AUTS2: variants seen among roughly 807,000 people sequenced by gnomAD.
The protein encoded by AUTS2 is activator of transcription and developmental regulator AUTS2.
AUTS2 carries 17 observed loss-of-function variants against 112.4 expected under a neutral mutation model. That is an observed-to-expected ratio of 0.15 (90% CI 0.10 to 0.23). The LOEUF (loss-of-function observed/expected upper bound fraction) is 0.23. AUTS2 is among the 10% of genes least tolerant of loss of function. The pLI is 1.00. For missense variants in AUTS2, 1,510 were observed against 1,701.6 expected (o/e 0.89, Z 1.98); for synonymous variants, 751 against 702.7 (o/e 1.07, Z -1.09).
intron 4 of AUTS2, among the ~76,000 whole-genome samples, chr7:70,207,164 G>A (rs1024994398): frequency 1.2e-4 from 18 of 152,094 alleles, no homozygotes; most frequent in African/African-American, 3.6e-4. Flanking sequence ...TCTTACTTAG[G>A]TGTGTTGAAG....
intron 1 of AUTS2, among the ~76,000 whole-genome samples, chr7:69,793,194 C>G (rs1403205300): frequency 6.6e-6 from 1 of 152,184 alleles, no homozygotes; most frequent in Non-Finnish European, 1.5e-5. Flanking sequence ...GGTGGCCTGC[C>G]TCCAGCAGTA....
chr7:70,045,784 C>CTT lies in AUTS2; in HGVS notation c.523-72327_523-72326dup, dbSNP rs746154629. Among the ~76,000 whole-genome samples the CTT allele has an allele frequency of 3.2e-3, 409 of 126,796 alleles. 6 individuals carry two copies. Among genetic ancestry groups the CTT allele is most frequent in the African/African-American group, 0.011 (367 of 33,114 alleles). 83.2% of individuals were successfully genotyped at this position (126,796 alleles called of 152,430 possible). A position where few individuals can be genotyped will look rare whatever the true frequency, so the allele number is the denominator to read the frequency against. On this transcript the variant is annotated intron_variant, in intron 2 of 18. Coordinates refer to ENST00000342771, the MANE Select transcript of AUTS2 (RefSeq NM_015570.4). ...CCACCATGCTCAGCTAATTTTCTACCTTTTTTTTTTTTTTTTTTTTTTAAG... is the reference window on the plus strand; with the variant it reads ...CCACCATGCTCAGCTAATTTTCTACCTTTTTTTTTTTTTTTTTTTTTTTTAAG...
rs1789647330 is a variant in AUTS2, at chr7:70,762,752, G to T, written c.743-118G>T. On this transcript the variant is annotated intron_variant, in intron 6 of 18. Transcript: ENST00000342771. ...GTGGAGACAAGGACCCAAGCCAGGA[G>T]GGTTGGTGCCAGGTCCTGTTGCTGG... 1.2e-5 allele frequency: 9 copies of T among 775,108 alleles called. No homozygotes were observed. In the South Asian group the frequency reaches 1.4e-4, roughly 12 times the overall value. The allele number at this position is 775,108 out of a possible 1,614,324, so 48.0% of individuals were successfully genotyped here.
chr7:70,781,961 G>A (rs1417884311), intron 15 of AUTS2: 1 of 612,758 alleles, frequency 1.6e-6, no homozygotes, highest in Non-Finnish European at 2.7e-6. Context: ...AGGAGGCAGA[G>A]ATCATCTTTC....
chr7:70,152,703 A>T (rs572780271), intron 4 of AUTS2, among the ~76,000 whole-genome samples: 2 of 152,312 alleles, frequency 1.3e-5, no homozygotes, highest in South Asian at 2.1e-4. Flanking sequence ...ATTTGAACTG[A>T]TGTGTCACTA....
intron 1 of AUTS2, among the ~76,000 whole-genome samples, chr7:69,743,602 C>T (rs908500866): frequency 2.0e-5 from 3 of 152,108 alleles, no homozygotes; most frequent in South Asian, 2.1e-4. Context: ...TTTCTGTCAC[C>T]GTAAAAATTC....
chr7:70,616,254 T>C (rs1804360147), intron 5 of AUTS2, among the ~76,000 whole-genome samples: 1 of 152,216 alleles, frequency 6.6e-6, no homozygotes, highest in Non-Finnish European at 1.5e-5. Context: ...ACAGGGGTCT[T>C]ATCTCCTTCT....
At position 70,366,623 on chromosome 7, in the gene AUTS2, C is replaced by CG. The variant is rs748986097; in HGVS notation, c.661-69125dup. 2.5e-4 allele frequency among the ~76,000 whole-genome samples: 38 copies of CG among 152,204 alleles called. 1 individual carries two copies. Among genetic ancestry groups the CG allele is most frequent in the South Asian group, 1.5e-3 (7 of 4,820 alleles). ...ATCAGTGAGGTGATGCTGATAAACT[C>CG]GGGGAAATCACAGGAGCTTTTTAAG... is the stretch of plus-strand genomic sequence containing the variant. On this transcript the variant is annotated intron_variant, in intron 4 of 18. Coordinates refer to ENST00000342771, the MANE Select transcript of AUTS2 (RefSeq NM_015570.4).
At chr7:70,368,380 G>A (rs764220745) in intron 4 of AUTS2, among the ~76,000 whole-genome samples, 18 of 152,288 alleles carry the variant, frequency 1.2e-4, no homozygotes, top group Non-Finnish European at 7.4e-5. Context: ...GAGATGAGTA[G>A]ACATGGGATT....
chr7:70,502,113 G>T (rs1798792696), intron 5 of AUTS2, among the ~76,000 whole-genome samples: 3 of 152,174 alleles, frequency 2.0e-5, no homozygotes, highest in Non-Finnish European at 4.4e-5. Context: ...AGAAATGGAA[G>T]CACCTCCGTG....
intron 1 of AUTS2, among the ~76,000 whole-genome samples, chr7:69,893,152 T>C (rs1047504576): frequency 6.6e-6 from 1 of 152,218 alleles, no homozygotes; most frequent in Non-Finnish European, 1.5e-5. Flanking sequence ...TGTTTTGATA[T>C]TTGTTTTTAA....
intron 3 of AUTS2, among the ~76,000 whole-genome samples, chr7:70,129,723 G>A (rs980079344): frequency 6.6e-6 from 1 of 152,200 alleles, no homozygotes; most frequent in Non-Finnish European, 1.5e-5. Context: ...GAAGCCAGAA[G>A]GCTGAGATGA....
intron 2 of AUTS2, among the ~76,000 whole-genome samples, chr7:70,000,386 T>G (rs543453990): frequency 6.6e-6 from 1 of 152,340 alleles, no homozygotes; most frequent in Admixed American, 6.5e-5. Flanking sequence ...ATTTAAATAT[T>G]CTTGTAAAGA....
At chr7:70,729,645 G>A (rs899494299) in intron 6 of AUTS2, among the ~76,000 whole-genome samples, 5 of 152,214 alleles carry the variant, frequency 3.3e-5, no homozygotes, top group African/African-American at 1.2e-4. Context: ...AATTGTTTCT[G>A]TACTGTAGGT....
intron 5 of AUTS2, among the ~76,000 whole-genome samples, chr7:70,520,788 T>C (rs1484620913): frequency 6.6e-6 from 1 of 152,184 alleles, no homozygotes; most frequent in Admixed American, 6.5e-5. Flanking sequence ...CAATGAATGT[T>C]AAACTGAGAA....
At chr7:69,725,304 G>A (rs548953376) in intron 1 of AUTS2, among the ~76,000 whole-genome samples, 2 of 152,218 alleles carry the variant, frequency 1.3e-5, no homozygotes, top group South Asian at 4.2e-4. Context: ...GAATCAAAAA[G>A]TAAACATATG....
At chr7:70,094,711 C>T (rs1027375487) in intron 2 of AUTS2, among the ~76,000 whole-genome samples, 13 of 152,032 alleles carry the variant, frequency 8.6e-5, no homozygotes, top group Non-Finnish European at 1.5e-4. Flanking sequence ...CAGACCCTGC[C>T]AACAATTGAA....
At chr7:69,907,322 A>T (rs151178081) in intron 2 of AUTS2, among the ~76,000 whole-genome samples, 51 of 152,308 alleles carry the variant, frequency 3.3e-4, no homozygotes, top group African/African-American at 1.2e-3. Flanking sequence ...TTAGCTCTTC[A>T]TAAAGTTACT....
chr7:70,404,504 A>AT (rs1431292432), intron 4 of AUTS2, among the ~76,000 whole-genome samples: 1 of 152,132 alleles, frequency 6.6e-6, no homozygotes, highest in Non-Finnish European at 1.5e-5. Context: ...ACTCAGAGGG[A>AT]TATGATGTAC....
Sources: gnomAD v4.1 joint callset for allele counts (sites outside exome capture counted in the v4.1 genomes callset) on GRCh38, gnomAD v4.1.1 for gene constraint, MANE v1.5 for transcripts, NCBI Gene and HGNC (gene_info 2026-07-23, HGNC 2026-07-21) for gene names.